SMC6: variants seen among roughly 807,000 people sequenced by gnomAD.
SMC6 encodes structural maintenance of chromosomes 6, also known as structural maintenance of chromosomes protein 6.
In SMC6, 79 loss-of-function variants were observed where a neutral mutation model predicts 142.2. That is an observed-to-expected ratio of 0.56 (90% CI 0.46 to 0.67). The LOEUF is 0.67. Ranked by LOEUF, SMC6 falls within the 30% of genes least tolerant of loss-of-function variation. SMC6 has a pLI of 0.00. For synonymous variants in SMC6, 411 were observed against 412.4 expected (o/e 1.00, Z 0.04); for missense variants, 1,072 against 1,284.0 (o/e 0.83, Z 2.52).
chr2:17,704,646 A>T (rs1248518484), intron 18 of SMC6, among the ~76,000 whole-genome samples: 1 of 152,168 alleles, frequency 6.6e-6, no homozygotes, highest in African/African-American at 2.4e-5. Context: ...TGAAATCTGA[A>T]ACCATTTTGC....
intron 5 of SMC6, among the ~76,000 whole-genome samples, chr2:17,733,687 C>G (rs1210612667): frequency 2.0e-5 from 3 of 152,114 alleles, no homozygotes; most frequent in Non-Finnish European, 4.4e-5. Context: ...AGCCTCTAGA[C>G]CTAGAGAAAC....
intron 27 of SMC6, 85 bp downstream of exon 27, chr2:17,666,329 ATGTATT>A: frequency 1.1e-6 from 1 of 885,798 alleles, no homozygotes; most frequent in Non-Finnish European, 1.8e-6. Context: ...TTGGTCTTGT[ATGTATT>A]TGTATTTTAA....
chr2:17,729,791 G>A (rs923372014), intron 7 of SMC6, among the ~76,000 whole-genome samples: 24 of 152,198 alleles, frequency 1.6e-4, no homozygotes, highest in African/African-American at 5.1e-4. Flanking sequence ...CATTTGCTAC[G>A]TGTGGCTTTT....
At chr2:17,749,539 T>C (rs543106456) in intron 2 of SMC6, among the ~76,000 whole-genome samples, 1 of 151,920 alleles carries the variant, frequency 6.6e-6, no homozygotes, top group Admixed American at 6.5e-5. Flanking sequence ...AATACAAAAA[T>C]TAGTCAGGCG....
intron 16 of SMC6, among the ~76,000 whole-genome samples, chr2:17,712,154 A>C (rs1283843319): frequency 6.6e-6 from 1 of 152,178 alleles, no homozygotes; most frequent in African/African-American, 2.4e-5. Flanking sequence ...AGAGAAGGTA[A>C]ATATCAACCG....
At chr2:17,696,516 G>C (rs183849164) in intron 21 of SMC6, 90 bp from the exon 22 acceptor site, 6 of 1,359,724 alleles carry the variant, frequency 4.4e-6, no homozygotes. Flanking sequence ...AAGTGGCTAG[G>C]ATTATGCTGT....
intron 22 of SMC6, 127 bp downstream of exon 22, chr2:17,696,162 T>C: frequency 1.7e-6 from 2 of 1,196,740 alleles, no homozygotes; most frequent in Non-Finnish European, 2.3e-6. Context: ...CAAACACCTA[T>C]TACTCTATAT....
chr2:17,691,485 G>A (rs1420435159), intron 23 of SMC6, among the ~76,000 whole-genome samples: 28 of 151,344 alleles, frequency 1.9e-4, no homozygotes, highest in African/African-American at 6.1e-4. Flanking sequence ...CTCAATAGAC[G>A]CAGAAAAGGC....
At position 17,700,232 on chromosome 2, in the gene SMC6, T is replaced by C. The variant is rs778932782; in HGVS notation, c.2370A>G (p.Leu790=). 6.8e-6 allele frequency: 11 copies of C among 1,607,088 alleles called. No homozygotes were observed. In the Admixed American group the frequency reaches 8.5e-5, roughly 12 times the overall value. ...CCTTAAGTGGGTCTGCTAGCTCCGA[T>C]AGTTGATTAATTTTGAATTTAATTG... ...YDAIKFKINQ[L]SELADPLKDE... is the part of the protein sequence containing the mutation. The change falls in exon 21 of 28, where the codon CTA becomes CTG. Residue 790 remains leucine (L), a synonymous_variant. Coordinates refer to ENST00000448223, the MANE Select transcript of SMC6 (RefSeq NM_001142286.2).
chr2:17,685,782 C>T (rs1263072278), intron 23 of SMC6, among the ~76,000 whole-genome samples: 1 of 151,752 alleles, frequency 6.6e-6, no homozygotes, highest in Non-Finnish European at 1.5e-5. Flanking sequence ...CAAAGAATGA[C>T]AAATTGAACT....
intron 20 of SMC6, 136 bp downstream of exon 20, chr2:17,701,693 T>C: frequency 1.7e-6 from 1 of 590,510 alleles, no homozygotes; most frequent in Non-Finnish European, 3.0e-6. Flanking sequence ...TTTTACCTTC[T>C]TGGTGAATGG....
intron 7 of SMC6, among the ~76,000 whole-genome samples, chr2:17,727,747 T>G (rs1669701283): frequency 6.6e-6 from 1 of 152,184 alleles, no homozygotes; most frequent in Admixed American, 6.5e-5. Context: ...GAAAAACACT[T>G]TAAACCCTTC....
intron 3 of SMC6, 100 bp downstream of exon 3, chr2:17,745,727 A>T: frequency 7.8e-7 from 1 of 1,281,134 alleles, no homozygotes; most frequent in Non-Finnish European, 1.0e-6. Context: ...TTAAAAAATC[A>T]TATTACTTTT....
chr2:17,737,253 T>C (rs1011697093), intron 5 of SMC6, among the ~76,000 whole-genome samples: 3 of 152,218 alleles, frequency 2.0e-5, no homozygotes, highest in African/African-American at 7.2e-5. Context: ...ACATCCTGTC[T>C]TTGTTCTATT....
Position 17,664,906 on chromosome 2 carries a change from C to A in SMC6, c.*593G>T, listed in dbSNP as rs1666425960. On this transcript the variant is annotated 3_prime_UTR_variant, in exon 28 of 28. Transcript: ENST00000448223. ...GCATGATGGAGGTCAGAGTGAAAAA[C>A]TGCGTCATTATCCAGTTCTGATACT... 1 of 152,320 alleles carries A rather than the reference C, an allele frequency of 6.6e-6. No homozygotes were observed. The allele number at this position is 152,320 out of a possible 1,614,324, so 9.4% of individuals were successfully genotyped here. A position where few individuals can be genotyped will look rare whatever the true frequency, so the allele number is the denominator to read the frequency against.
At chr2:17,716,027 C>T in intron 15 of SMC6, 59 bp downstream of exon 15, 1 of 1,311,222 alleles carries the variant, frequency 7.6e-7, no homozygotes. Flanking sequence ...TTCAATCGTT[C>T]TGAAAATAAA....
chr2:17,743,129 T>A (rs559335190), intron 3 of SMC6, among the ~76,000 whole-genome samples: 2 of 152,316 alleles, frequency 1.3e-5, no homozygotes, highest in South Asian at 4.1e-4. Context: ...TATTTTATGG[T>A]ATGGATGTAC....
At chr2:17,752,600 A>C (rs1296942753) in intron 2 of SMC6, among the ~76,000 whole-genome samples, 1 of 152,172 alleles carries the variant, frequency 6.6e-6, no homozygotes, top group Non-Finnish European at 1.5e-5. Context: ...TTGTACTTGC[A>C]CCCATTAAGC....
intron 16 of SMC6, among the ~76,000 whole-genome samples, chr2:17,711,053 A>T (rs1005634955): frequency 2.1e-4 from 32 of 152,120 alleles, no homozygotes; most frequent in African/African-American, 7.7e-4. Context: ...AGAGGGGAGG[A>T]CGTGGTAGGC....
Sources: gnomAD v4.1 joint callset for allele counts (sites outside exome capture counted in the v4.1 genomes callset) on GRCh38, gnomAD v4.1.1 for gene constraint, MANE v1.5 for transcripts, NCBI Gene and HGNC (gene_info 2026-07-23, HGNC 2026-07-21) for gene names.